Variants in SUN2 observed in about 807,000 individuals in gnomAD.
SUN2 encodes SUN domain-containing protein 2.
A neutral mutation model predicts 100.0 loss-of-function variants in SUN2; 60 were observed. That is an observed-to-expected ratio of 0.60 (90% CI 0.49 to 0.74). SUN2 has a LOEUF of 0.74. Among genes scored for constraint, SUN2 ranks in the 30% least tolerant of loss-of-function variants. The pLI is 0.00. For synonymous variants in SUN2, 367 were observed against 403.3 expected, an observed-to-expected ratio of 0.91 and a Z score of 1.08; for missense variants, 834 against 954.6, an observed-to-expected ratio of 0.87 and a Z score of 1.66.
At chr22:38,753,948 C>A (rs1376861267) in intron 1 of SUN2, among the ~76,000 whole-genome samples, 1 of 152,190 alleles carries the variant, frequency 6.6e-6, no homozygotes, top group Non-Finnish European at 1.5e-5. Context: ...TTTTTAGCCT[C>A]ACACATGCGC....
At chr22:38,745,618 C>T (rs1022707245) in intron 8 of SUN2, 66 bp downstream of exon 8, 1 of 1,591,156 alleles carries the variant, frequency 6.3e-7, no homozygotes, top group Non-Finnish European at 8.6e-7. Flanking sequence ...TGAGGGCGCA[C>T]CCACCACTTT....
Position 38,736,285 on chromosome 22 carries a change from A to G in SUN2, c.2136T>C (p.His712=). ...EYTCIYRFRV[H]GEPAH is the part of the protein sequence containing the mutation. ...AGCAGGGCTAGTGGGCGGGCTCCCC[A>G]TGCACTCTGAAGCGGTAGATGCAGG... is the stretch of plus-strand genomic sequence containing the variant. Residue 712 remains histidine (H), a synonymous_variant, in exon 18 of 18, where the codon CAT becomes CAC. Transcript: ENST00000689035. 4 of 1,613,604 alleles carry G rather than the reference A, an allele frequency of 2.5e-6. No homozygotes were observed. The highest frequency in any genetic ancestry group is 3.4e-6 in the Non-Finnish European group (4 of 1,179,712).
chr22:38,749,202 C>T (rs1222757391), intron 6 of SUN2, among the ~76,000 whole-genome samples: 4 of 152,202 alleles, frequency 2.6e-5, no homozygotes, highest in South Asian at 2.1e-4. Context: ...ACCTGGATTA[C>T]GGCCAGAGGG....
chr22:38,742,308 C>G lies in SUN2; in HGVS notation c.1061G>C (p.Arg354Pro). ...KEDFRRETAARIQEELSALRA... is the reference protein window; with the variant it reads ...KEDFRRETAAPIQEELSALRA... Reference sequence around the variant, plus strand: ...AGGTATTCCACCTCCTACCTGGATGCGAGCAGCAGTTTCCCTGCGGAAATC... The same window carrying G: ...AGGTATTCCACCTCCTACCTGGATGGGAGCAGCAGTTTCCCTGCGGAAATC... Residue 354 changes from arginine to proline, a missense_variant, in exon 9 of 18, where the codon CGC (arginine) becomes CCC (proline). Arg to Pro is a moderately radical substitution (Grantham distance 103). Coordinates refer to ENST00000689035, the MANE Select transcript of SUN2 (RefSeq NM_015374.3). 2.5e-6 allele frequency: 4 copies of G among 1,598,564 alleles called. No homozygotes were observed. The highest frequency in any genetic ancestry group is 3.4e-6 in the Non-Finnish European group (4 of 1,168,438).
At chr22:38,750,861 C>G in intron 4 of SUN2, 37 bp downstream of exon 4, 1 of 1,610,372 alleles carries the variant, frequency 6.2e-7, no homozygotes, top group South Asian at 1.1e-5. Context: ...CTCCCAGCAG[C>G]CTCGGATCTG....
intron 1 of SUN2, chr22:38,754,603 T>TGGGGTGGCG: frequency 1.1e-6 from 1 of 889,150 alleles, no homozygotes; most frequent in Non-Finnish European, 1.6e-6. Flanking sequence ...TAAGGTAATC[T>TGGGGTGGCG]CCCCTCCCCC....
At chr22:38,751,832 G>A (rs898592724) in intron 2 of SUN2, among the ~76,000 whole-genome samples, 2 of 152,204 alleles carry the variant, frequency 1.3e-5, no homozygotes, top group African/African-American at 4.8e-5. Context: ...ACATGCAGGC[G>A]TGGGGCCAGG....
Position 38,734,758 on chromosome 22 carries a change from A to G in SUN2, c.*1509T>C, listed in dbSNP as rs1358664384. On this transcript the variant is annotated 3_prime_UTR_variant, in exon 18 of 18. Transcript: ENST00000689035. ...CTCTTGGGCGTCATTTATTTTTTGC[A>G]TAGGCATAAATTAGGATCTGGAGAT... is the stretch of plus-strand genomic sequence containing the variant. 1 of 174,486 alleles carries G rather than the reference A, an allele frequency of 5.7e-6. No homozygotes were observed. The highest frequency in any genetic ancestry group is 5.6e-5 in the Admixed American group (1 of 17,992). 10.8% of individuals were successfully genotyped at this position (174,486 alleles called of 1,614,324 possible).
At position 38,738,088 on chromosome 22, in the gene SUN2, G is replaced by T; in HGVS notation, c.2040+85C>A. On this transcript the variant is annotated intron_variant, in intron 17 of 17. Transcript: ENST00000689035. The surrounding 1 kb of genome is among the most constrained non-coding windows in gnomAD (Gnocchi z 6.6). ...CAGGGCTTCCCTCTCTGAACCCCAT[G>T]CCTGGCAGGGTAAGTGCCCAGGGAG... 1 of 1,215,316 alleles carries T rather than the reference G, an allele frequency of 8.2e-7. No homozygotes were observed. The highest frequency in any genetic ancestry group is 1.2e-6 in the Non-Finnish European group (1 of 817,026). 75.3% of individuals were successfully genotyped at this position (1,215,316 alleles called of 1,614,324 possible).
At position 38,740,874 on chromosome 22, in the gene SUN2, A is replaced by G; in HGVS notation, c.1190+133T>C. 2 of 1,049,462 alleles carry G rather than the reference A, an allele frequency of 1.9e-6. No individual in the cohort carries two copies. The highest frequency in any genetic ancestry group is 2.8e-6 in the Non-Finnish European group (2 of 708,408). 65.0% of individuals were successfully genotyped at this position (1,049,462 alleles called of 1,614,324 possible). On this transcript the variant is annotated intron_variant, in intron 11 of 17. Transcript: ENST00000689035. This position sits in a 1 kb window ranked among gnomAD's most constrained non-coding sequence, Gnocchi z 4.8. ...GGGCAGGGGTCCTGAGCTGGGTTTC[A>G]ACCCCTCCCCCTACCATCTGCTTGG...
intron 7 of SUN2, among the ~76,000 whole-genome samples, chr22:38,746,978 G>A (rs1428940900): frequency 6.6e-6 from 1 of 151,344 alleles, no homozygotes; most frequent in Non-Finnish European, 1.5e-5. Context: ...AGCTTGCAGT[G>A]AGTCAAGATC....
intron 4 of SUN2, 131 bp downstream of exon 4, chr22:38,750,767 G>T: frequency 7.1e-7 from 1 of 1,416,276 alleles, no homozygotes; most frequent in Non-Finnish European, 9.5e-7. Context: ...CGCACCCAGG[G>T]CCGGGCATGG....
At position 38,748,706 on chromosome 22, in the gene SUN2, G is replaced by T; in HGVS notation, c.685+7C>A. The T allele has an allele frequency of 6.2e-7, 1 of 1,614,226 alleles. No homozygotes were observed. Among genetic ancestry groups the T allele is most frequent in the Non-Finnish European group, 8.5e-7 (1 of 1,180,038 alleles). On this transcript the variant is annotated splice_region_variant and intron_variant, in intron 7 of 17. Coordinates refer to ENST00000689035, the MANE Select transcript of SUN2 (RefSeq NM_015374.3). ...TGCCTCCCTCTGCTCTCCCCATGCAGGCTCACCATACGTCAGGCACGTCAG... is the reference window on the plus strand; with the variant it reads ...TGCCTCCCTCTGCTCTCCCCATGCATGCTCACCATACGTCAGGCACGTCAG...
In SUN2 at chr22:38,755,149, C is replaced by T; in HGVS notation, c.-38+614G>A. On this transcript the variant is annotated intron_variant, in intron 1 of 17. Coordinates refer to ENST00000689035, the MANE Select transcript of SUN2 (RefSeq NM_015374.3). The surrounding 1 kb of genome is among the most constrained non-coding windows in gnomAD (Gnocchi z 5.7). ...TCTCCATCCATCTTCAGACTTAAAC[C>T]AGATCTGGGGCATCTTCCTCGTGAC... The T allele has an allele frequency of 9.4e-7, 1 of 1,060,102 alleles. No individual in the cohort carries two copies. The highest frequency in any genetic ancestry group is 1.2e-6 in the Non-Finnish European group (1 of 822,836). 65.7% of individuals were successfully genotyped at this position (1,060,102 alleles called of 1,614,324 possible). A position where few individuals can be genotyped will look rare whatever the true frequency, so the allele number is the denominator to read the frequency against.
In SUN2 at chr22:38,736,099, AGCCACCTGCTG is replaced by A. The variant is rs754192471; in HGVS notation, c.*157_*167del. 1 of 709,632 alleles carries A rather than the reference AGCCACCTGCTG, an allele frequency of 1.4e-6. No homozygotes were observed. Among genetic ancestry groups the A allele is most frequent in the Non-Finnish European group, 2.6e-6 (1 of 390,624 alleles). 44.0% of individuals were successfully genotyped at this position (709,632 alleles called of 1,614,324 possible). On this transcript the variant is annotated 3_prime_UTR_variant, in exon 18 of 18. Coordinates refer to ENST00000689035, the MANE Select transcript of SUN2 (RefSeq NM_015374.3). Reference sequence around the variant, plus strand: ...CTGCTGGAGCCTGCTAACCGCCTCGAGCCACCTGCTGCTCAGGAGACCCTGCCCGTCCTTTT... The same window carrying A: ...CTGCTGGAGCCTGCTAACCGCCTCGACTCAGGAGACCCTGCCCGTCCTTTT...
chr22:38,748,683 C>T (rs1320307229), intron 7 of SUN2, 30 bp downstream of exon 7: 1 of 1,613,684 alleles, frequency 6.2e-7, no homozygotes, highest in East Asian at 2.2e-5. Flanking sequence ...CATCTCTGTG[C>T]CTCCCTCTGC....
chr22:38,741,785 C>T (rs2092859896), intron 9 of SUN2, among the ~76,000 whole-genome samples: 2 of 152,328 alleles, frequency 1.3e-5, no homozygotes, highest in South Asian at 4.1e-4. Flanking sequence ...ACTCGCACAG[C>T]TCACTATGGG....
rs1310101260 is a variant in SUN2, at chr22:38,739,450, G to T, written c.1579-24C>A. ...TGCTGCAATGCAGGCACCAGGAGAC[G>T]GTTGCAGCAGGGAGCAGACGTGTCC... On this transcript the variant is annotated intron_variant, in intron 13 of 17. Coordinates refer to ENST00000689035, the MANE Select transcript of SUN2 (RefSeq NM_015374.3). This position sits in a 1 kb window ranked among gnomAD's most constrained non-coding sequence, Gnocchi z 6.7. 3 of 1,611,430 alleles carry T rather than the reference G, an allele frequency of 1.9e-6. 1 individual carries two copies. Among genetic ancestry groups the T allele is most frequent in the Non-Finnish European group, 2.5e-6 (3 of 1,179,030 alleles).
chr22:38,744,402 C>A (rs1041072594), intron 8 of SUN2, among the ~76,000 whole-genome samples: 1 of 151,796 alleles, frequency 6.6e-6, no homozygotes, highest in African/African-American at 2.4e-5. Context: ...CATAGTGAGA[C>A]CCTGTCTCTA....
Sources: allele counts gnomAD v4.1 joint callset (sites outside exome capture counted in the v4.1 genomes callset), GRCh38; gene constraint gnomAD v4.1.1; non-coding constraint Gnocchi (gnomAD v3.1); transcripts MANE v1.5; gene names NCBI Gene and HGNC (gene_info 2026-07-23, HGNC 2026-07-21).